The following FOXP2 variants were observed in gnomAD, a reference collection of about 807,000 sequenced individuals.
FOXP2 encodes the protein forkhead box protein P2.
In FOXP2, 12 loss-of-function variants were observed where a neutral mutation model predicts 115.8. That is an observed-to-expected ratio of 0.10 (90% CI 0.07 to 0.17). The LOEUF (loss-of-function observed/expected upper bound fraction) is 0.17, where lower values mean the gene tolerates loss of function less well. Among genes scored for constraint, FOXP2 ranks in the 10% least tolerant of loss-of-function variants. The pLI is 1.00. For synonymous variants in FOXP2, 328 were observed against 297.7 expected (o/e 1.10, Z -1.05); for missense variants, 629 against 843.5 (o/e 0.75, Z 3.15).
intron 16 of FOXP2, among the ~76,000 whole-genome samples, chr7:114,673,570 C>T (rs1807605114): frequency 1.3e-5 from 2 of 152,238 alleles, no homozygotes; most frequent in African/African-American, 2.4e-5. Context: ...AATTTAAATA[C>T]ATTTCAATAT....
intron 2 of FOXP2, among the ~76,000 whole-genome samples, chr7:114,397,263 T>TTA (rs1792767462): frequency 6.6e-6 from 1 of 152,182 alleles, no homozygotes; most frequent in African/African-American, 2.4e-5. Context: ...ATCCATTTAT[T>TTA]TATATATTCA....
At chr7:114,591,310 A>G (rs1421978134) in intron 3 of FOXP2, among the ~76,000 whole-genome samples, 1 of 152,142 alleles carries the variant, frequency 6.6e-6, no homozygotes, top group East Asian at 1.9e-4. Flanking sequence ...AACTGTATTG[A>G]TCAATCTAGT....
intron 1 of FOXP2, among the ~76,000 whole-genome samples, chr7:114,167,591 C>A (rs185255187): frequency 1.6e-4 from 25 of 151,914 alleles, no homozygotes; most frequent in Middle Eastern, 3.2e-3. Context: ...AGGTCTTTCC[C>A]GTGCTGTTCT....
Position 114,538,561 on chromosome 7 carries a change from G to T in FOXP2, c.258+3855G>T, listed in dbSNP as rs538494977. ...GAATGGAATAGTAAAAAGCAAAAGA[G>T]AATTAAACTTGGGGGTCTTATTCTG... On this transcript the variant is annotated intron_variant, in intron 3 of 16. Transcript: ENST00000350908. Among the ~76,000 whole-genome samples, 3 of 151,696 alleles carry T rather than the reference G, an allele frequency of 2.0e-5. No homozygotes were observed. The South Asian group carries it at 6.2e-4, about 31-fold the overall frequency.
intron 1 of FOXP2, 39 bp from the exon 2 acceptor site, chr7:114,426,463 T>C (rs1414243714): frequency 3.8e-6 from 6 of 1,579,622 alleles, no homozygotes; most frequent in South Asian, 3.3e-5. Flanking sequence ...AGTGTGAAGG[T>C]GTAACGTGTG....
intron 1 of FOXP2, among the ~76,000 whole-genome samples, chr7:114,166,246 T>C (rs1374780723): frequency 6.6e-6 from 1 of 151,978 alleles, no homozygotes; most frequent in Non-Finnish European, 1.5e-5. Flanking sequence ...ATGAAAAAAA[T>C]TAATAAGTTG....
chr7:114,101,027 C>CA (rs1366781524), intron 1 of FOXP2, among the ~76,000 whole-genome samples: 2 of 152,112 alleles, frequency 1.3e-5, no homozygotes, highest in African/African-American at 4.8e-5. Flanking sequence ...ACTCCTGAGT[C>CA]AGAGACAAGA....
At chr7:114,373,197 T>G (rs941739465) in intron 2 of FOXP2, among the ~76,000 whole-genome samples, 33 of 151,886 alleles carry the variant, frequency 2.2e-4, no homozygotes, top group Middle Eastern at 3.5e-3. Context: ...TTGTTTTGTA[T>G]TTTTAGTAGA....
chr7:114,580,944 G>A (rs1204308572), intron 3 of FOXP2, among the ~76,000 whole-genome samples: 1 of 151,888 alleles, frequency 6.6e-6, no homozygotes, highest in Non-Finnish European at 1.5e-5. Flanking sequence ...GAGTAAGATA[G>A]CACAGAGAAG....
At chr7:114,480,513 T>G (rs927599323) in intron 2 of FOXP2, among the ~76,000 whole-genome samples, 5 of 149,890 alleles carry the variant, frequency 3.3e-5, no homozygotes, top group Admixed American at 1.3e-4. Context: ...AAAACAGAAT[T>G]TGATTTTATA....
chr7:114,247,196 AAT>A (rs1341601162), intron 1 of FOXP2, among the ~76,000 whole-genome samples: 4 of 152,288 alleles, frequency 2.6e-5, no homozygotes, highest in African/African-American at 9.6e-5. Flanking sequence ...TGTAGTGTGT[AAT>A]ACAGGTTTGT....
intron 2 of FOXP2, among the ~76,000 whole-genome samples, chr7:114,393,208 T>C (rs1348836576): frequency 6.6e-6 from 1 of 152,160 alleles, no homozygotes; most frequent in Non-Finnish European, 1.5e-5. Flanking sequence ...TATAATATTT[T>C]TACTTAAGTA....
intron 3 of FOXP2, chr7:114,570,925 G>A (rs1801269518): frequency 6.5e-7 from 1 of 1,528,812 alleles, no homozygotes; most frequent in African/African-American, 1.4e-5. Flanking sequence ...CTAGGCACAA[G>A]GCCATGGACC....
intron 1 of FOXP2, among the ~76,000 whole-genome samples, chr7:114,210,921 G>T (rs1056494519): frequency 1.3e-5 from 2 of 152,050 alleles, no homozygotes; most frequent in African/African-American, 4.8e-5. Flanking sequence ...GTCTGGCCAC[G>T]TTCTGGCAAA....
intron 2 of FOXP2, among the ~76,000 whole-genome samples, chr7:114,294,804 G>A (rs1038432127): frequency 2.0e-5 from 3 of 151,884 alleles, no homozygotes; most frequent in Non-Finnish European, 4.4e-5. Context: ...TTGTGCCACC[G>A]CATTCCAGCC....
chr7:114,306,610 T>G (rs1016635354), intron 2 of FOXP2, among the ~76,000 whole-genome samples: 10 of 152,170 alleles, frequency 6.6e-5, no homozygotes, highest in Non-Finnish European at 1.3e-4. Context: ...ACTACATTAG[T>G]TTCTTATGGC....
chr7:114,503,017 C>T (rs1797636793), intron 2 of FOXP2, among the ~76,000 whole-genome samples: 2 of 151,980 alleles, frequency 1.3e-5, no homozygotes, highest in African/African-American at 4.8e-5. Flanking sequence ...GATTCTTAAT[C>T]TAGAAAATCA....
At position 114,620,820 on chromosome 7, in the gene FOXP2, A is replaced by G. The variant is rs1341826784; in HGVS notation, c.259-7720A>G. On this transcript the variant is annotated intron_variant, in intron 3 of 16. Coordinates refer to ENST00000350908, the MANE Select transcript of FOXP2 (RefSeq NM_014491.4). ...TGGATGAAATTCCTTTGCTTTCATA[A>G]AAAAATTGTATTTCATAATAATCAG... Among the ~76,000 whole-genome samples, 5 of 152,056 alleles carry G rather than the reference A, an allele frequency of 3.3e-5. No individual in the cohort carries two copies. In the East Asian group the frequency reaches 9.6e-4, roughly 29 times the overall value.
intron 2 of FOXP2, among the ~76,000 whole-genome samples, chr7:114,518,033 T>C (rs1798429480): frequency 6.6e-6 from 1 of 152,162 alleles, no homozygotes; most frequent in South Asian, 2.1e-4. Flanking sequence ...TATGTACAGA[T>C]CTTCCACCTC....
Sources: gnomAD v4.1 joint callset for allele counts (sites outside exome capture counted in the v4.1 genomes callset) on GRCh38, gnomAD v4.1.1 for gene constraint, MANE v1.5 for transcripts, NCBI Gene and HGNC (gene_info 2026-07-23, HGNC 2026-07-21) for gene names.